The following DPRX variants were observed in gnomAD, a reference collection of about 807,000 sequenced individuals.
DPRX encodes divergent-paired related homeobox.
A neutral mutation model predicts 8.4 loss-of-function variants in DPRX; 11 were observed. The ratio of observed to expected loss-of-function variants is 1.31; its 90% CI spans 0.82 to 2.17. DPRX has a LOEUF of 2.17. Among genes scored for constraint, DPRX ranks in the 30% most tolerant of loss-of-function variants. DPRX has a pLI of 0.00. For synonymous variants in DPRX, 72 were observed against 87.0 expected (o/e 0.83, Z 0.96); for missense variants, 211 against 236.7 (o/e 0.89, Z 0.71).
chr19:53,618,396 T>G, the DPRX span, among the ~76,000 whole-genome samples: 3 of 151,714 alleles, frequency 2.0e-5, no homozygotes, highest in Non-Finnish European at 4.4e-5. Flanking sequence ...GATAGGTATG[T>G]AAGACTGCTG....
the DPRX span, among the ~76,000 whole-genome samples, chr19:53,603,706 T>C: frequency 0.041 from 6,265 of 151,910 alleles, 318 homozygotes; most frequent in East Asian, 0.2. Flanking sequence ...AGCAGTAATT[T>C]GTAAGTTTTC....
chr19:53,615,308 TCTCACTCTGTCACTCAGGC>T, the DPRX span, among the ~76,000 whole-genome samples: 4 of 151,494 alleles, frequency 2.6e-5, no homozygotes, highest in Admixed American at 2.0e-4. Flanking sequence ...TGAGACGCAG[TCTCACTCTGTCACTCAGGC>T]TGGAGTGCAG....
the DPRX span, chr19:53,617,263 T>G: frequency 3.3e-4 from 243 of 742,428 alleles, 4 homozygotes; most frequent in South Asian, 3.2e-3. Context: ...TAGAGTGCCT[T>G]TAAGAAGAAA....
chr19:53,602,311 T>C, the DPRX span: 659 of 313,486 alleles, frequency 2.1e-3, 3 homozygotes, highest in East Asian at 4.7e-3. Context: ...TGTGTGTGTG[T>C]GCCAGCCTCC....
At chr19:53,613,789 A>G in the DPRX span, among the ~76,000 whole-genome samples, 8 of 152,160 alleles carry the variant, frequency 5.3e-5, no homozygotes, top group South Asian at 4.1e-4. Context: ...GGGACAGAAC[A>G]TGGCCCCTAA....
At chr19:53,623,376 C>T in the DPRX span, among the ~76,000 whole-genome samples, 8 of 151,886 alleles carry the variant, frequency 5.3e-5, no homozygotes, top group East Asian at 5.8e-4. Context: ...TGGTGGCTCA[C>T]GCCTGTAATC....
the DPRX span, among the ~76,000 whole-genome samples, chr19:53,618,684 C>A: frequency 1.3e-5 from 1 of 75,316 alleles, no homozygotes; most frequent in East Asian, 4.5e-4. Context: ...CATATTGTCT[C>A]CAGATTTTTT....
the DPRX span, among the ~76,000 whole-genome samples, chr19:53,607,895 A>G: frequency 6.7e-6 from 1 of 149,978 alleles, no homozygotes; most frequent in Non-Finnish European, 1.5e-5. Context: ...AAAACAGGCC[A>G]GGCACAGTGG....
upstream of DPRX, among the ~76,000 whole-genome samples, chr19:53,627,758 A>G (rs1035616140): frequency 6.7e-6 from 1 of 149,936 alleles, no homozygotes; most frequent in African/African-American, 2.4e-5. Context: ...TTCTTAACAC[A>G]AAAAGTTTTT....
At chr19:53,629,422 A>G (rs537573627), upstream of DPRX, among the ~76,000 whole-genome samples, 1 of 151,834 alleles carries the variant, frequency 6.6e-6, no homozygotes, top group East Asian at 2.0e-4. Flanking sequence ...AAAAGGTTAC[A>G]TATTATATAA....
the DPRX span, chr19:53,617,278 G>T: frequency 4.5e-5 from 32 of 714,480 alleles, no homozygotes; most frequent in Middle Eastern, 9.9e-4. Flanking sequence ...AAGAAATCAG[G>T]CTGGGTGCAG....
chr19:53,609,171 T>C, the DPRX span, among the ~76,000 whole-genome samples: 1 of 151,472 alleles, frequency 6.6e-6, no homozygotes, highest in African/African-American at 2.4e-5. Flanking sequence ...GGTATTGGTA[T>C]AAAAACAGAC....
At chr19:53,625,826 C>CG in the DPRX span, among the ~76,000 whole-genome samples, 13 of 151,800 alleles carry the variant, frequency 8.6e-5, no homozygotes, top group Admixed American at 8.6e-4. Flanking sequence ...TTAGTAGAGA[C>CG]GGGGTTTCAC....
intron 1 of DPRX, among the ~76,000 whole-genome samples, chr19:53,633,497 G>GTATT (rs528878817): frequency 1.1e-3 from 168 of 151,840 alleles, no homozygotes; most frequent in African/African-American, 2.2e-3. Flanking sequence ...CCTTATTTAC[G>GTATT]TATTTATTTA....
chr19:53,612,401 C>A, the DPRX span, among the ~76,000 whole-genome samples: 213 of 151,544 alleles, frequency 1.4e-3, no homozygotes, highest in African/African-American at 5.0e-3. Context: ...AAGCAGACAG[C>A]AGCATAGAAA....
chr19:53,604,604 AG>A, the DPRX span: 27 of 152,444 alleles, frequency 1.8e-4, no homozygotes, highest in Non-Finnish European at 3.7e-4. Context: ...GCACTTTGGA[AG>A]GCTAAGGTGA....
At chr19:53,632,957 A>G (rs1446778239) in intron 1 of DPRX, among the ~76,000 whole-genome samples, 1 of 151,964 alleles carries the variant, frequency 6.6e-6, no homozygotes, top group Non-Finnish European at 1.5e-5. Flanking sequence ...CACTTACTAG[A>G]CTCTGGAGCT....
chr19:53,605,137 C>A, the DPRX span, among the ~76,000 whole-genome samples: 1 of 152,128 alleles, frequency 6.6e-6, no homozygotes, highest in Non-Finnish European at 1.5e-5. Context: ...AACACAGACC[C>A]CCGCCTCTAC....
chr19:53,617,378 G>T, the DPRX span: 20 of 448,448 alleles, frequency 4.5e-5, no homozygotes, highest in Non-Finnish European at 7.0e-5. Context: ...GGGCAACATG[G>T]TAAAACCCCA....
Sources: gnomAD v4.1 joint callset for allele counts (sites outside exome capture counted in the v4.1 genomes callset) on GRCh38, gnomAD v4.1.1 for gene constraint, MANE v1.5 for transcripts, NCBI Gene and HGNC (gene_info 2026-07-23, HGNC 2026-07-21) for gene names.